ZSCAN29: variants seen among roughly 807,000 people sequenced by gnomAD.
ZSCAN29 encodes zinc finger and SCAN domain containing 29.
In ZSCAN29, 55 loss-of-function variants were observed where a neutral mutation model predicts 71.9. That is an observed-to-expected ratio of 0.76 (90% CI 0.62 to 0.96). ZSCAN29 has a LOEUF of 0.96. Among genes scored for constraint, ZSCAN29 ranks in the 40% least tolerant of loss-of-function variants. ZSCAN29 has a pLI of 0.00. For missense variants in ZSCAN29, 1,042 were observed against 1,042.2 expected, an observed-to-expected ratio of 1.00 and a Z score of 0.00; for synonymous variants, 351 against 371.6, an observed-to-expected ratio of 0.94 and a Z score of 0.64.
intron 2 of ZSCAN29, 42 bp from the exon 3 acceptor site, chr15:43,369,169 G>A (rs1413105618): frequency 1.3e-6 from 2 of 1,506,368 alleles, no homozygotes; most frequent in Non-Finnish European, 1.8e-6. Flanking sequence ...AGATCATAAT[G>A]AGGGGCATTC....
Position 43,369,899 on chromosome 15 carries a change from T to C in ZSCAN29, c.15A>G (p.Ser5=). Residue 5 remains serine (S), a synonymous_variant, in exon 2 of 6, where the codon TCA becomes TCG. Transcript: ENST00000684362. MMAK[S]ALRENGTNSE... Reference sequence around the variant, plus strand: ...AGTTAGTGCCATTCTCTCTTAGAGCTGATTTGGCCATCATTAATAGCAGAA... The same window carrying C: ...AGTTAGTGCCATTCTCTCTTAGAGCCGATTTGGCCATCATTAATAGCAGAA... The C allele has an allele frequency of 6.2e-7, 1 of 1,600,684 alleles. No individual in the cohort carries two copies. Among genetic ancestry groups the C allele is most frequent in the Non-Finnish European group, 8.5e-7 (1 of 1,174,952 alleles).
intron 3 of ZSCAN29, among the ~76,000 whole-genome samples, chr15:43,367,480 T>C (rs542081867): frequency 6.6e-6 from 1 of 152,170 alleles, no homozygotes; most frequent in South Asian, 2.1e-4. Flanking sequence ...TTCCCTCCTA[T>C]CCAATTTTAG....
chr15:43,361,417 ACT>A lies in ZSCAN29; in HGVS notation c.2213_2214del (p.Glu738ValfsTer27). On this transcript the variant is annotated frameshift_variant, in exon 6 of 6. Transcript: ENST00000684362. LOFTEE classifies it high-confidence loss of function. ...GAGCTCTGATTGAAGCATTTCCCAC[ACT>A]CACCACATTGATAAGGTTTCTCTCC... is the stretch of plus-strand genomic sequence containing the variant. The part of the protein sequence containing the change: ...HTGEKPYQCG[E>X]CGKCFNQSSS... The A allele has an allele frequency of 6.2e-7, 1 of 1,613,978 alleles. No homozygotes were observed. Among genetic ancestry groups the A allele is most frequent in the Non-Finnish European group, 8.5e-7 (1 of 1,179,930 alleles).
At chr15:43,363,018 C>T (rs965311514) in intron 5 of ZSCAN29, among the ~76,000 whole-genome samples, 2 of 151,226 alleles carry the variant, frequency 1.3e-5, no homozygotes, top group African/African-American at 4.9e-5. Context: ...TCATTCGTTG[C>T]CCAGGCAGGA....
In ZSCAN29 at chr15:43,366,138, A is replaced by G. The variant is rs764537714; in HGVS notation, c.1194T>C (p.Ala398=). 6.2e-7 allele frequency: 1 copy of G among 1,613,102 alleles called. No individual in the cohort carries two copies. Among genetic ancestry groups the G allele is most frequent in the Admixed American group, 1.7e-5 (1 of 59,782 alleles). The change falls in exon 4 of 6, where the codon GCT becomes GCC. Residue 398 remains alanine, a synonymous_variant. Coordinates refer to ENST00000684362, the MANE Select transcript of ZSCAN29 (RefSeq NM_001372080.1). ...CTGGGCTTCTGAACACAACAGGTGC[A>G]GCTGAGTTGGGGTCCTGGGGGGTCG... ...LEATPQDPNS[A]APVVFRSPGG...
rs765148236 is a variant in ZSCAN29, at chr15:43,361,209, T to C, written c.2423A>G (p.His808Arg). Residue 808 changes from histidine (H) to arginine (R), a missense_variant, in exon 6 of 6, where the codon CAT becomes CGT. Coordinates refer to ENST00000684362, the MANE Select transcript of ZSCAN29 (RefSeq NM_001372080.1). ...SFSKSSDLRA[H>R]HRTHTGEKPY... is the part of the protein sequence containing the mutation. ...TTTCTCTCCTGTGTGGGTTCTATGA[T>C]GTGCACGTAAGTCAGAACTCTTACT... is the stretch of plus-strand genomic sequence containing the variant. The C allele has an allele frequency of 1.9e-6, 3 of 1,614,224 alleles. No homozygotes were observed. Among genetic ancestry groups the C allele is most frequent in the Non-Finnish European group, 2.5e-6 (3 of 1,180,030 alleles).
rs773158332 is a variant in ZSCAN29 at position 43,369,056 on chromosome 15, T to G, written c.390A>C (p.Leu130Phe). ...CCACTGACTCCTGCCGAACACTTAA[T>G]AACTCTTGTGATGATTTCGGGGGTG... ...KMTPPKSSQELLSVRQESVEP... is the reference protein window; with the variant it reads ...KMTPPKSSQEFLSVRQESVEP... The change falls in exon 3 of 6, where the codon TTA (leucine) becomes TTC (phenylalanine). Residue 130 changes from leucine (L) to phenylalanine (F), a missense_variant. By Grantham distance (22) the Leu-to-Phe change is conservative. Coordinates refer to ENST00000684362, the MANE Select transcript of ZSCAN29 (RefSeq NM_001372080.1). The G allele has an allele frequency of 1.2e-6, 2 of 1,611,650 alleles. No individual in the cohort carries two copies. Among genetic ancestry groups the G allele is most frequent in the African/African-American group, 2.7e-5 (2 of 74,980 alleles).
intron 2 of ZSCAN29, 115 bp from the exon 3 acceptor site, chr15:43,369,242 G>A: frequency 8.9e-7 from 1 of 1,125,530 alleles, no homozygotes; most frequent in Non-Finnish European, 1.2e-6. Flanking sequence ...CAGGGTTGTA[G>A]GGGTGAGGGA....
chr15:43,364,648 C>T (rs1429380081), intron 4 of ZSCAN29, among the ~76,000 whole-genome samples: 1 of 152,034 alleles, frequency 6.6e-6, no homozygotes, highest in Non-Finnish European at 1.5e-5. Flanking sequence ...TGGCTTATGC[C>T]TGTAATCCCT....
At chr15:43,362,215 C>T (rs1285132391) in intron 5 of ZSCAN29, among the ~76,000 whole-genome samples, 1 of 152,166 alleles carries the variant, frequency 6.6e-6, no homozygotes, top group Non-Finnish European at 1.5e-5. Flanking sequence ...CCCAGTACAG[C>T]ATGGAAAATC....
rs866291185 is a variant in ZSCAN29, at chr15:43,361,149, C to A, written c.2483G>T (p.Ser828Ile). 6 of 1,614,080 alleles carry A rather than the reference C, an allele frequency of 3.7e-6. No homozygotes were observed. The highest frequency in any genetic ancestry group is 2.2e-5 in the East Asian group (1 of 44,882). Reference sequence around the variant, plus strand: ...GTGCTTATTAAGGGCAGAGCTTTTACTGAAGCACTTACCACAGTCATGACA... The same window carrying A: ...GTGCTTATTAAGGGCAGAGCTTTTAATGAAGCACTTACCACAGTCATGACA... ...YGCHDCGKCF[S>I]KSSALNKHGE... The change falls in exon 6 of 6, where the codon AGT becomes ATT. Residue 828 changes from serine (S) to isoleucine (I), a missense_variant. Physicochemically the swap from Ser to Ile is moderately radical, Grantham distance 142. Transcript: ENST00000684362.
chr15:43,366,500 C>T lies in ZSCAN29; in HGVS notation c.832G>A (p.Val278Met), dbSNP rs747811705. 1 of 1,614,256 alleles carries T rather than the reference C, an allele frequency of 6.2e-7. No individual in the cohort carries two copies. Among genetic ancestry groups the T allele is most frequent in the South Asian group, 1.1e-5 (1 of 91,088 alleles). The change falls in exon 4 of 6, where the codon GTG becomes ATG. Residue 278 changes from valine (V) to methionine (M), a missense_variant. Coordinates refer to ENST00000684362, the MANE Select transcript of ZSCAN29 (RefSeq NM_001372080.1). ...AGCCGCTCAGCCACAGCCCCATACA[C>T]TTGGCTGTTCCTATGGCAGTTTCTG... ...ALRNCHRNSQ[V>M]YGAVAERLRE...
rs1233448450 is a variant in ZSCAN29, at chr15:43,358,562, A to C, written c.*2511T>G. 1 of 152,182 alleles carries C rather than the reference A, an allele frequency of 6.6e-6. No homozygotes were observed. The highest frequency in any genetic ancestry group is 1.5e-5 in the Non-Finnish European group (1 of 68,034). The allele number at this position is 152,182 out of a possible 1,614,324, so 9.4% of individuals were successfully genotyped here. A position where few individuals can be genotyped will look rare whatever the true frequency, so the allele number is the denominator to read the frequency against. The stretch of plus-strand genomic sequence containing the variant: ...AATCCTAATTAATCTCTAACACAAC[A>C]AGCTATGAATTATAGAATACTATAT... On this transcript the variant is annotated 3_prime_UTR_variant, in exon 6 of 6. Transcript: ENST00000684362.
chr15:43,358,597 G>C lies in ZSCAN29; in HGVS notation c.*2476C>G, dbSNP rs1395798465. 6.6e-6 allele frequency: 1 copy of C among 152,152 alleles called. No homozygotes were observed. Among genetic ancestry groups the C allele is most frequent in the Non-Finnish European group, 1.5e-5 (1 of 68,034 alleles). 9.4% of individuals were successfully genotyped at this position (152,152 alleles called of 1,614,324 possible). Reference sequence around the variant, plus strand: ...TTATAGAATACTATATCTTCCTACTGCTCTCCCTGATCTTATTCCAGCCAC... The same window carrying C: ...TTATAGAATACTATATCTTCCTACTCCTCTCCCTGATCTTATTCCAGCCAC... On this transcript the variant is annotated 3_prime_UTR_variant, in exon 6 of 6. Coordinates refer to ENST00000684362, the MANE Select transcript of ZSCAN29 (RefSeq NM_001372080.1).
rs2044078235 is a variant in ZSCAN29, at chr15:43,369,599, A to T, written c.315T>A (p.Ser105=). ...TGAATTCCCCCTCCCTTCTCACCGAAGATCTAGGTCTTCCAGGCTCTCTTT... is the reference window on the plus strand; with the variant it reads ...TGAATTCCCCCTCCCTTCTCACCGATGATCTAGGTCTTCCAGGCTCTCTTT... ...DLEREPGRPR[S]SVTVSVKGQE... is the part of the protein sequence containing the mutation. Residue 105 remains serine, a synonymous_variant, in exon 2 of 6, where the codon TCT becomes TCA. Transcript: ENST00000684362. The T allele has an allele frequency of 6.2e-7, 1 of 1,609,818 alleles. No individual in the cohort carries two copies. Among genetic ancestry groups the T allele is most frequent in the South Asian group, 1.1e-5 (1 of 90,916 alleles).
Position 43,359,269 on chromosome 15 carries a change from C to T in ZSCAN29, c.*1804G>A, listed in dbSNP as rs1342354758. 2 of 152,188 alleles carry T rather than the reference C, an allele frequency of 1.3e-5. No homozygotes were observed. The highest frequency in any genetic ancestry group is 2.4e-5 in the African/African-American group (1 of 41,444). The allele number at this position is 152,188 out of a possible 1,614,324, so 9.4% of individuals were successfully genotyped here. ...GCTTTCTAGATTTCTCTAAAACTGCCGCAACTATGCATGTGCACTTGTTTG... is the reference window on the plus strand; with the variant it reads ...GCTTTCTAGATTTCTCTAAAACTGCTGCAACTATGCATGTGCACTTGTTTG... On this transcript the variant is annotated 3_prime_UTR_variant, in exon 6 of 6. Transcript: ENST00000684362.
In ZSCAN29 at chr15:43,364,114, C is replaced by A; in HGVS notation, c.1491G>T (p.Arg497=). The change falls in exon 5 of 6, where the codon CGG becomes CGT. Residue 497 remains arginine, a synonymous_variant. Transcript: ENST00000684362. The stretch of plus-strand genomic sequence containing the variant: ...GGCCATCATTGGGTGGGGCAGCAAC[C>A]CGGACACTCACCAAAGCATCCATCT... The part of the protein sequence containing the change: ...FEEMDALVSV[R]VAAPPNDGQE... 6.2e-7 allele frequency: 1 copy of A among 1,614,132 alleles called. No homozygotes were observed. The highest frequency in any genetic ancestry group is 8.5e-7 in the Non-Finnish European group (1 of 1,180,030).
chr15:43,363,398 A>AT (rs1325683496), intron 5 of ZSCAN29, among the ~76,000 whole-genome samples: 2 of 152,156 alleles, frequency 1.3e-5, no homozygotes, highest in Non-Finnish European at 2.9e-5. Flanking sequence ...CTTGTGAAGT[A>AT]TTTTTTTCTT....
intron 3 of ZSCAN29, among the ~76,000 whole-genome samples, chr15:43,368,651 G>C (rs947951189): frequency 6.7e-6 from 1 of 149,006 alleles, no homozygotes; most frequent in Non-Finnish European, 1.5e-5. Flanking sequence ...TTCAAGTATA[G>C]AAAAGAATTT....
Sources: allele counts gnomAD v4.1 joint callset (sites outside exome capture counted in the v4.1 genomes callset), GRCh38; gene constraint gnomAD v4.1.1; transcripts MANE v1.5; gene names NCBI Gene and HGNC (gene_info 2026-07-23, HGNC 2026-07-21).